The following CNTNAP5 variants were observed in gnomAD, a reference collection of about 807,000 sequenced individuals.
The protein encoded by CNTNAP5 is contactin-associated protein-like 5.
In CNTNAP5, 72 loss-of-function variants were observed where a neutral mutation model predicts 150.2. That is an observed-to-expected ratio of 0.48 (90% CI 0.40 to 0.58). The LOEUF (loss-of-function observed/expected upper bound fraction) is 0.58. Ranked by LOEUF, CNTNAP5 falls within the 20% of genes least tolerant of loss-of-function variation. The pLI is 0.00. For missense variants in CNTNAP5, 1,636 were observed against 1,626.2 expected (o/e 1.01, Z -0.10); for synonymous variants, 672 against 619.8 (o/e 1.08, Z -1.25).
At chr2:124,474,650 G>T in intron 6 of CNTNAP5, 89 bp from the exon 7 acceptor site, 1 of 1,133,638 alleles carries the variant, frequency 8.8e-7, no homozygotes. Context: ...GCATACAATT[G>T]AATCTACCAA....
At chr2:124,139,329 G>A (rs1312093175) in intron 1 of CNTNAP5, among the ~76,000 whole-genome samples, 1 of 151,612 alleles carries the variant, frequency 6.6e-6, no homozygotes, top group Non-Finnish European at 1.5e-5. Flanking sequence ...CTCTCAAGAT[G>A]TTATCTGATC....
chr2:124,810,843 G>T (rs1329557793), intron 19 of CNTNAP5, among the ~76,000 whole-genome samples: 3 of 152,130 alleles, frequency 2.0e-5, no homozygotes, highest in African/African-American at 7.2e-5. Context: ...TCATTGTCAA[G>T]ATGGGACTGC....
chr2:124,191,299 T>C (rs1202469309), intron 1 of CNTNAP5, among the ~76,000 whole-genome samples: 2 of 152,202 alleles, frequency 1.3e-5, no homozygotes, highest in Non-Finnish European at 2.9e-5. Context: ...GGATGGGGAT[T>C]CTCTGAACCG....
chr2:124,776,424 T>G (rs1681325581), intron 17 of CNTNAP5, among the ~76,000 whole-genome samples: 1 of 152,170 alleles, frequency 6.6e-6, no homozygotes, highest in African/African-American at 2.4e-5. Context: ...TTGCTGTTCT[T>G]GCTTCCAGGC....
intron 5 of CNTNAP5, among the ~76,000 whole-genome samples, chr2:124,435,332 G>A (rs566748311): frequency 7.2e-5 from 11 of 152,156 alleles, no homozygotes; most frequent in South Asian, 6.2e-4. Flanking sequence ...CAGGCAGGTC[G>A]CGTTCATTGT....
At chr2:124,039,229 C>A (rs1288848858) in intron 1 of CNTNAP5, among the ~76,000 whole-genome samples, 3 of 152,172 alleles carry the variant, frequency 2.0e-5, no homozygotes, top group African/African-American at 7.2e-5. Flanking sequence ...GCATTATCTA[C>A]CTGCATTCCA....
At chr2:124,713,308 C>CCT (rs1558746872) in intron 13 of CNTNAP5, among the ~76,000 whole-genome samples, 1 of 57,384 alleles carries the variant, frequency 1.7e-5, no homozygotes. Context: ...TTTCTTCTTT[C>CCT]TCTTTCTTTC....
At chr2:124,124,308 A>T (rs1683634794) in intron 1 of CNTNAP5, among the ~76,000 whole-genome samples, 1 of 152,216 alleles carries the variant, frequency 6.6e-6, no homozygotes, top group African/African-American at 2.4e-5. Flanking sequence ...AAGAAAGGGT[A>T]TCAGTGATGG....
Position 124,914,572 on chromosome 2 carries a change from T to G in CNTNAP5, c.*284T>G, listed in dbSNP as rs1477672017. The G allele has an allele frequency of 3.0e-6, 1 of 333,798 alleles. No homozygotes were observed. Among genetic ancestry groups the G allele is most frequent in the Non-Finnish European group, 5.6e-6 (1 of 178,252 alleles). 20.7% of individuals were successfully genotyped at this position (333,798 alleles called of 1,614,324 possible). A position where few individuals can be genotyped will look rare whatever the true frequency, so the allele number is the denominator to read the frequency against. On this transcript the variant is annotated 3_prime_UTR_variant, in exon 24 of 24. Transcript: ENST00000682447. The stretch of plus-strand genomic sequence containing the variant: ...AGGAAGAGACACATGTGTGCACTCC[T>G]GCATGTTCAGTTCTGTACTTCCAGT...
At chr2:124,542,904 A>G (rs1573448056) in intron 10 of CNTNAP5, among the ~76,000 whole-genome samples, 1 of 152,054 alleles carries the variant, frequency 6.6e-6, no homozygotes, top group East Asian at 1.9e-4. Flanking sequence ...ACTCAACACG[A>G]CTCTTGGTTT....
At chr2:124,534,532 A>G (rs1266411832) in intron 10 of CNTNAP5, among the ~76,000 whole-genome samples, 1 of 152,142 alleles carries the variant, frequency 6.6e-6, no homozygotes, top group Non-Finnish European at 1.5e-5. Context: ...CATGGCATTT[A>G]TAAACTGCCA....
At chr2:124,699,881 G>A (rs934797285) in intron 13 of CNTNAP5, among the ~76,000 whole-genome samples, 9 of 145,386 alleles carry the variant, frequency 6.2e-5, no homozygotes, top group South Asian at 2.2e-4. Flanking sequence ...AAAATTCATC[G>A]TTTTAAAGTG....
At chr2:124,164,726 C>A (rs1171471009) in intron 1 of CNTNAP5, among the ~76,000 whole-genome samples, 2 of 152,102 alleles carry the variant, frequency 1.3e-5, no homozygotes, top group Non-Finnish European at 2.9e-5. Flanking sequence ...ACGTAAATCA[C>A]ATAAGGAAAT....
At chr2:124,117,874 A>C (rs994548996) in intron 1 of CNTNAP5, among the ~76,000 whole-genome samples, 13 of 152,196 alleles carry the variant, frequency 8.5e-5, no homozygotes, top group African/African-American at 2.4e-4. Flanking sequence ...GCTTGAGCCC[A>C]GGAGCTCAAG....
intron 5 of CNTNAP5, among the ~76,000 whole-genome samples, chr2:124,441,426 G>A (rs747725026): frequency 2.0e-5 from 3 of 151,658 alleles, no homozygotes; most frequent in Admixed American, 6.6e-5. Flanking sequence ...AGTTTTATCC[G>A]CACATAGTGC....
At chr2:124,386,487 T>C (rs532626758) in intron 3 of CNTNAP5, among the ~76,000 whole-genome samples, 2 of 152,352 alleles carry the variant, frequency 1.3e-5, no homozygotes, top group Admixed American at 6.5e-5. Flanking sequence ...GTCTCTTCCA[T>C]AGTTGAACGG....
intron 1 of CNTNAP5, among the ~76,000 whole-genome samples, chr2:124,086,990 G>T (rs966698552): frequency 9.9e-5 from 15 of 151,574 alleles, no homozygotes; most frequent in Non-Finnish European, 2.2e-4. Flanking sequence ...ATTAGTAACT[G>T]CTAGGTATTA....
At chr2:124,584,779 A>T (rs1475549165) in intron 11 of CNTNAP5, among the ~76,000 whole-genome samples, 2 of 152,222 alleles carry the variant, frequency 1.3e-5, no homozygotes, top group Non-Finnish European at 2.9e-5. Flanking sequence ...AACTTCCACT[A>T]GGATAGCCCT....
At chr2:124,110,012 T>C (rs1683259027) in intron 1 of CNTNAP5, among the ~76,000 whole-genome samples, 1 of 152,206 alleles carries the variant, frequency 6.6e-6, no homozygotes, top group South Asian at 2.1e-4. Context: ...AGTACTATTG[T>C]AGGCTATTCT....
Sources: allele counts gnomAD v4.1 joint callset (sites outside exome capture counted in the v4.1 genomes callset), GRCh38; gene constraint gnomAD v4.1.1; transcripts MANE v1.5; gene names NCBI Gene and HGNC (gene_info 2026-07-23, HGNC 2026-07-21).